SCN8A: variants seen among roughly 807,000 people sequenced by gnomAD.
SCN8A encodes sodium channel protein type 8 subunit alpha.
In SCN8A, 30 loss-of-function variants were observed where a neutral mutation model predicts 184.1. That is an observed-to-expected ratio of 0.16 (90% CI 0.12 to 0.22). The LOEUF (loss-of-function observed/expected upper bound fraction) is 0.22. Ranked by LOEUF, SCN8A falls within the 10% of genes least tolerant of loss-of-function variation. The probability of loss-of-function intolerance (pLI) is 1.00; values close to 1 mark genes in which losing one functional copy is unlikely to be tolerated. For synonymous variants in SCN8A, 852 were observed against 907.0 expected (o/e 0.94, Z 1.09); for missense variants, 1,057 against 2,498.9 (o/e 0.42, Z 12.30).
chr12:51,774,186 T>C lies in SCN8A; in HGVS notation c.3646-3T>C. 1.2e-6 allele frequency: 2 copies of C among 1,613,104 alleles called. No homozygotes were observed. Among genetic ancestry groups the C allele is most frequent in the Middle Eastern group, 1.7e-4 (1 of 6,056 alleles). ...TCATAGGCAGCTGCTGCCTCTCTTT[T>C]AGGCCTTCGAGGACATCTACATTGA... On this transcript the variant is annotated splice_region_variant and splice_polypyrimidine_tract_variant and intron_variant, in intron 19 of 26. Transcript: ENST00000627620.
chr12:51,714,207 A>C (rs1941928357), intron 11 of SCN8A, among the ~76,000 whole-genome samples: 2 of 152,214 alleles, frequency 1.3e-5, no homozygotes, highest in African/African-American at 4.8e-5. Flanking sequence ...TGCTGTTCCA[A>C]AACTTAACAG....
chr12:51,719,890 C>CA (rs1259628294), intron 11 of SCN8A, among the ~76,000 whole-genome samples: 2 of 151,952 alleles, frequency 1.3e-5, no homozygotes, highest in Non-Finnish European at 2.9e-5. Context: ...TCCTGGCTAA[C>CA]ACGGTGAAAC....
At chr12:51,699,406 A>G (rs1419525930) in intron 6 of SCN8A, among the ~76,000 whole-genome samples, 164 bp from the exon 7 acceptor site, 1 of 152,218 alleles carries the variant, frequency 6.6e-6, no homozygotes, top group Non-Finnish European at 1.5e-5. Flanking sequence ...TGGAATATTG[A>G]TAATTTTGCT....
At chr12:51,623,201 A>T (rs1420194227) in intron 1 of SCN8A, among the ~76,000 whole-genome samples, 1 of 152,208 alleles carries the variant, frequency 6.6e-6, no homozygotes, top group Non-Finnish European at 1.5e-5. Context: ...ATTGGGTTGC[A>T]TGCTGCTAGT....
chr12:51,640,212 GTTTTTTTTTTTT>G (rs57362371), intron 1 of SCN8A, among the ~76,000 whole-genome samples: 691 of 34,674 alleles, frequency 0.02, 3 homozygotes, highest in African/African-American at 0.039. Context: ...TGCCTGGCCT[GTTTTTTTTTTTT>G]TTTTTTTTTT....
At chr12:51,650,601 T>G (rs1940690085) in intron 1 of SCN8A, among the ~76,000 whole-genome samples, 1 of 145,652 alleles carries the variant, frequency 6.9e-6, no homozygotes, top group East Asian at 2.1e-4. Flanking sequence ...CCCCCCAAAA[T>G]CTGGCCATAA....
intron 2 of SCN8A, among the ~76,000 whole-genome samples, chr12:51,672,283 C>T (rs918564830): frequency 6.6e-6 from 1 of 152,174 alleles, no homozygotes; most frequent in Non-Finnish European, 1.5e-5. Context: ...ACTGCATCCT[C>T]ACCCCTTTCA....
At chr12:51,698,146 T>G (rs10783468) in intron 6 of SCN8A, among the ~76,000 whole-genome samples, 126,869 of 152,186 alleles carry the variant, frequency 0.83, 53,933 homozygotes, top group East Asian at 0.97. Context: ...GACCTACTGC[T>G]CCCAGCTGCT....
chr12:51,708,914 C>G (rs1376862392), intron 11 of SCN8A, among the ~76,000 whole-genome samples: 1 of 152,120 alleles, frequency 6.6e-6, no homozygotes, highest in African/African-American at 2.4e-5. Context: ...AAAACATCAT[C>G]CCTACCCTAG....
At chr12:51,730,387 TG>T (rs1942221031) in intron 12 of SCN8A, among the ~76,000 whole-genome samples, 1 of 152,212 alleles carries the variant, frequency 6.6e-6, no homozygotes, top group Non-Finnish European at 1.5e-5. Flanking sequence ...TTGATCTGTT[TG>T]TCTATGCTTA....
At chr12:51,701,980 C>T (rs1233372108) in intron 8 of SCN8A, among the ~76,000 whole-genome samples, 2 of 151,990 alleles carry the variant, frequency 1.3e-5, no homozygotes, top group African/African-American at 4.8e-5. Flanking sequence ...TAACTGAAAT[C>T]CCCCCTTGAC....
chr12:51,754,899 G>A (rs931462506), intron 14 of SCN8A, among the ~76,000 whole-genome samples: 2 of 152,140 alleles, frequency 1.3e-5, no homozygotes, highest in Non-Finnish European at 2.9e-5. Flanking sequence ...TCCCACTACT[G>A]GTGACGTTCA....
rs375950819 is a variant in SCN8A, at chr12:51,638,982, A to T, written c.-54-23782A>T. ...CTTTTTATGGATGAGCAAAGAAAAA[A>T]TTTTTTTTTCTTTTTTGAGACAGGG... On this transcript the variant is annotated intron_variant, in intron 1 of 26. Coordinates refer to ENST00000627620, the MANE Select transcript of SCN8A (RefSeq NM_001330260.2). 1.5e-4 allele frequency among the ~76,000 whole-genome samples: 22 copies of T among 151,700 alleles called. No homozygotes were observed. The South Asian group carries it at 1.7e-3, about 12-fold the overall frequency.
At chr12:51,603,379 A>G (rs755445947) in intron 1 of SCN8A, among the ~76,000 whole-genome samples, 6 of 152,324 alleles carry the variant, frequency 3.9e-5, no homozygotes, top group African/African-American at 7.2e-5. Flanking sequence ...GTAGTATTGT[A>G]TGTAACTGTT....
intron 14 of SCN8A, among the ~76,000 whole-genome samples, chr12:51,760,469 A>G (rs1445638629): frequency 2.6e-5 from 4 of 152,200 alleles, no homozygotes; most frequent in Non-Finnish European, 4.4e-5. Flanking sequence ...TAGGAACCAG[A>G]GTTCCCACAG....
At chr12:51,608,021 CT>C (rs749172465) in intron 1 of SCN8A, among the ~76,000 whole-genome samples, 1,362 of 133,400 alleles carry the variant, frequency 0.01, 16 homozygotes, top group African/African-American at 0.03. Context: ...TTTCTTTTTC[CT>C]TTTTTTTTTT....
At chr12:51,728,811 AT>A (rs1256877526) in intron 12 of SCN8A, among the ~76,000 whole-genome samples, 1 of 150,878 alleles carries the variant, frequency 6.6e-6, no homozygotes, top group African/African-American at 2.4e-5. Flanking sequence ...TTTTGTTCCC[AT>A]TTTCAACTTA....
At chr12:51,800,000 G>T (rs570363182) in intron 26 of SCN8A, among the ~76,000 whole-genome samples, 2 of 152,336 alleles carry the variant, frequency 1.3e-5, no homozygotes, top group Admixed American at 1.3e-4. Flanking sequence ...ACTGGGTCCA[G>T]TCGGCATAAT....
At chr12:51,596,086 C>G (rs773799730) in intron 1 of SCN8A, among the ~76,000 whole-genome samples, 1 of 152,180 alleles carries the variant, frequency 6.6e-6, no homozygotes, top group Non-Finnish European at 1.5e-5. Context: ...GAAATGGACT[C>G]AAAGGCTGAG....
Sources: gnomAD v4.1 joint callset for allele counts (sites outside exome capture counted in the v4.1 genomes callset) on GRCh38, gnomAD v4.1.1 for gene constraint, MANE v1.5 for transcripts, NCBI Gene and HGNC (gene_info 2026-07-23, HGNC 2026-07-21) for gene names.